The following ST6GALNAC1 variants were observed in gnomAD, a reference collection of about 807,000 sequenced individuals.
ST6GALNAC1 encodes the protein alpha-N-acetylgalactosaminide alpha-2,6-sialyltransferase 1.
ST6GALNAC1 carries 45 observed loss-of-function variants against 56.8 expected under a neutral mutation model. The observed-to-expected ratio is 0.79, with a 90% CI of 0.62 to 1.02. ST6GALNAC1 has a LOEUF of 1.02. Among genes scored for constraint, ST6GALNAC1 ranks in the 50% least tolerant of loss-of-function variants. The pLI, the probability that ST6GALNAC1 is intolerant of heterozygous loss-of-function variation, is 0.00. For missense variants in ST6GALNAC1, 743 were observed against 754.8 expected (o/e 0.98, Z 0.18); for synonymous variants, 295 against 297.8 (o/e 0.99, Z 0.10).
At chr17:76,626,838 A>C (rs1447433485) in intron 4 of ST6GALNAC1, 49 bp from the exon 5 acceptor site, 1 of 1,607,420 alleles carries the variant, frequency 6.2e-7, no homozygotes, top group Non-Finnish European at 8.5e-7. Context: ...GAGGAGGGAG[A>C]TTTGTGTAGG....
At chr17:76,639,632 A>G (rs1280940046) in intron 1 of ST6GALNAC1, among the ~76,000 whole-genome samples, 1 of 144,240 alleles carries the variant, frequency 6.9e-6, no homozygotes, top group South Asian at 2.2e-4. Flanking sequence ...ATATAATTAC[A>G]TGATAAACAC....
downstream of ST6GALNAC1, among the ~76,000 whole-genome samples, chr17:76,621,141 C>A (rs1219259042): frequency 1.3e-5 from 2 of 151,704 alleles, no homozygotes; most frequent in South Asian, 2.1e-4. Flanking sequence ...GAGCCGTAAC[C>A]AATCCAGCTG....
Position 76,629,061 on chromosome 17 carries a change from C to T in ST6GALNAC1, c.782G>A (p.Arg261Gln), listed in dbSNP as rs762648078. The T allele has an allele frequency of 9.4e-5, 147 of 1,558,548 alleles. No homozygotes were observed. Among genetic ancestry groups the T allele is most frequent in the Non-Finnish European group, 1.1e-4 (128 of 1,153,070 alleles). ...LKAANFKSEP[R>Q]WDFEEKYSFE... Reference sequence around the variant, plus strand: ...GCTGTATTTTTCCTCAAAATCCCACCGAGGCTCAGATTTGAAGTTGGCGGC... The same window carrying T: ...GCTGTATTTTTCCTCAAAATCCCACTGAGGCTCAGATTTGAAGTTGGCGGC... Residue 261 changes from arginine (R) to glutamine (Q), a missense_variant, in exon 2 of 9, where the codon CGG (arginine) becomes CAG (glutamine). By Grantham distance (43) the Arg-to-Gln change is conservative. Coordinates refer to ENST00000156626, the MANE Select transcript of ST6GALNAC1 (RefSeq NM_018414.5).
downstream of ST6GALNAC1, among the ~76,000 whole-genome samples, chr17:76,619,963 C>T (rs1369843480): frequency 2.0e-5 from 3 of 151,886 alleles, no homozygotes; most frequent in South Asian, 4.2e-4. Context: ...AGGCTGGTCT[C>T]GAACTCCTGA....
chr17:76,642,981 G>T (rs2076068570), intron 1 of ST6GALNAC1, among the ~76,000 whole-genome samples: 1 of 150,038 alleles, frequency 6.7e-6, no homozygotes, highest in African/African-American at 2.5e-5. Context: ...TATTTTCTAA[G>T]AAAAATGGTC....
chr17:76,625,340 G>A lies in ST6GALNAC1; in HGVS notation c.1793C>T (p.Ala598Val). The A allele has an allele frequency of 1.9e-6, 3 of 1,613,282 alleles. No individual in the cohort carries two copies. The highest frequency in any genetic ancestry group is 2.5e-6 in the Non-Finnish European group (3 of 1,179,938). Reference protein sequence around the residue: ...YQRPGPGTAKAKN With the variant: ...YQRPGPGTAKVKN Reference sequence around the variant, plus strand: ...CAGCCCTGGCCCCGGTCAGTTCTTGGCTTTGGCAGTTCCGGGACCAGGACG... The same window carrying A: ...CAGCCCTGGCCCCGGTCAGTTCTTGACTTTGGCAGTTCCGGGACCAGGACG... The change falls in exon 9 of 9, where the codon GCC becomes GTC. Residue 598 changes from alanine (A) to valine (V), a missense_variant. Coordinates refer to ENST00000156626, the MANE Select transcript of ST6GALNAC1 (RefSeq NM_018414.5).
chr17:76,618,599 G>A, the ST6GALNAC1 span, among the ~76,000 whole-genome samples: 1 of 151,856 alleles, frequency 6.6e-6, no homozygotes, highest in African/African-American at 2.4e-5. Flanking sequence ...GCAACATAGT[G>A]AAACTCCATC....
chr17:76,637,407 T>C, intron 1 of ST6GALNAC1: 1 of 310,030 alleles, frequency 3.2e-6, no homozygotes, highest in Non-Finnish European at 5.8e-6. Context: ...CATGTTGTCC[T>C]TTTATAGCCA....
chr17:76,626,563 C>T lies in ST6GALNAC1; in HGVS notation c.1311+88G>A, dbSNP rs979687485. 3.2e-5 allele frequency: 51 copies of T among 1,581,800 alleles called. No homozygotes were observed. The African/African-American group carries it at 3.6e-4, about 11-fold the overall frequency. ...GCCTGTACCAACCACAGACTCCATC[C>T]GGATGAAAGCCTCTCCTCTCCCTTC... On this transcript the variant is annotated intron_variant, in intron 5 of 8. Coordinates refer to ENST00000156626, the MANE Select transcript of ST6GALNAC1 (RefSeq NM_018414.5).
downstream of ST6GALNAC1, among the ~76,000 whole-genome samples, chr17:76,621,101 G>C (rs1358361901): frequency 6.6e-6 from 1 of 151,278 alleles, no homozygotes; most frequent in Admixed American, 6.6e-5. Context: ...ACTGTAAACT[G>C]TTCAGATTTG....
In ST6GALNAC1 at chr17:76,636,279, C is replaced by T. The variant is rs2075972342; in HGVS notation, c.132-6568G>A. The stretch of plus-strand genomic sequence containing the variant: ...ACCTCCAGCAGTTAAGATTTGGTTT[C>T]ATGTTCAAGATGTAGTGAAACAGAT... On this transcript the variant is annotated intron_variant, in intron 1 of 8. Transcript: ENST00000156626. Among the ~76,000 whole-genome samples, 3 of 152,106 alleles carry T rather than the reference C, an allele frequency of 2.0e-5. No individual in the cohort carries two copies. The South Asian group carries it at 6.2e-4, about 32-fold the overall frequency.
rs1261695057 is a variant in ST6GALNAC1, at chr17:76,625,937, C to A, written c.1506-19G>T. ...CAGAAACCTGTGAAATGCCCCAAAC[C>A]CCCAACTGTCAGGAGGCTGCAAGGA... On this transcript the variant is annotated intron_variant, in intron 7 of 8. Transcript: ENST00000156626. 1.9e-6 allele frequency: 3 copies of A among 1,597,692 alleles called. No homozygotes were observed. Among genetic ancestry groups the A allele is most frequent in the Admixed American group, 1.7e-5 (1 of 58,412 alleles).
downstream of ST6GALNAC1, among the ~76,000 whole-genome samples, chr17:76,622,605 G>T (rs905634540): frequency 1.3e-5 from 2 of 151,708 alleles, no homozygotes; most frequent in Non-Finnish European, 2.9e-5. Flanking sequence ...CCTCATGATC[G>T]GCCCACCTTG....
chr17:76,626,809 C>T lies in ST6GALNAC1; in HGVS notation c.1173-20G>A. The T allele has an allele frequency of 1.2e-6, 2 of 1,613,848 alleles. No individual in the cohort carries two copies. The highest frequency in any genetic ancestry group is 1.7e-6 in the Non-Finnish European group (2 of 1,179,852). The stretch of plus-strand genomic sequence containing the variant: ...CTCAATCTGTGCAGAAAGACACAAT[C>T]AGACGGGACAGGTGAGCAGAGGAGG... On this transcript the variant is annotated intron_variant, in intron 4 of 8. Transcript: ENST00000156626.
intron 1 of ST6GALNAC1, among the ~76,000 whole-genome samples, chr17:76,639,566 C>A (rs2076018403): frequency 6.6e-6 from 1 of 151,864 alleles, no homozygotes; most frequent in African/African-American, 2.4e-5. Context: ...CAGACCCAGA[C>A]TCCATCTCGA....
At chr17:76,639,061 T>TC (rs1567962441) in intron 1 of ST6GALNAC1, among the ~76,000 whole-genome samples, 1 of 152,024 alleles carries the variant, frequency 6.6e-6, no homozygotes, top group Non-Finnish European at 1.5e-5. Context: ...AAAACCACGT[T>TC]CCCCCGATCA....
intron 1 of ST6GALNAC1, chr17:76,637,551 T>C (rs2075994083): frequency 5.1e-6 from 2 of 395,996 alleles, no homozygotes; most frequent in Non-Finnish European, 8.9e-6. Context: ...CTTTTGGTAC[T>C]GGCTTTTCAA....
At chr17:76,623,778 C>T (rs1255118988), downstream of ST6GALNAC1, among the ~76,000 whole-genome samples, 2 of 152,212 alleles carry the variant, frequency 1.3e-5, no homozygotes, top group African/African-American at 4.8e-5. Context: ...GCAGAGTGAT[C>T]TAACCCATCA....
At chr17:76,621,375 G>T (rs1028081870), downstream of ST6GALNAC1, among the ~76,000 whole-genome samples, 10 of 151,662 alleles carry the variant, frequency 6.6e-5, no homozygotes, top group East Asian at 1.6e-3. Flanking sequence ...TAGGGATGGG[G>T]TTTCACCATG....
Sources: allele counts gnomAD v4.1 joint callset (sites outside exome capture counted in the v4.1 genomes callset), GRCh38; gene constraint gnomAD v4.1.1; transcripts MANE v1.5; gene names NCBI Gene and HGNC (gene_info 2026-07-23, HGNC 2026-07-21).